The following OLFM4 variants were observed in gnomAD, a reference collection of about 807,000 sequenced individuals.
OLFM4 encodes the protein olfactomedin-4.
OLFM4 carries 22 observed loss-of-function variants against 25.5 expected under a neutral mutation model. The observed-to-expected ratio is 0.86, with a 90% CI of 0.62 to 1.23. The LOEUF (loss-of-function observed/expected upper bound fraction) is 1.23, where lower values mean the gene tolerates loss of function less well. Ranked by LOEUF, OLFM4 falls within the 50% of genes most tolerant of loss-of-function variation. The pLI is 0.00. For missense variants in OLFM4, 594 were observed against 619.4 expected, an observed-to-expected ratio of 0.96 and a Z score of 0.44; for synonymous variants, 255 against 237.7, an observed-to-expected ratio of 1.07 and a Z score of -0.67.
At chr13:53,040,998 A>G (rs1047884009) in intron 2 of OLFM4, among the ~76,000 whole-genome samples, 2 of 152,222 alleles carry the variant, frequency 1.3e-5, no homozygotes, top group Admixed American at 6.5e-5. Context: ...GAGATGGCAG[A>G]GGAAAGGGAA....
chr13:53,049,596 T>C (rs2298234), intron 4 of OLFM4, among the ~76,000 whole-genome samples: 28,747 of 152,132 alleles, frequency 0.19, 2,832 homozygotes, highest in African/African-American at 0.24. Context: ...AAAAACAAAA[T>C]AAGATAATAT....
Position 53,050,970 on chromosome 13 carries a change from G to A in OLFM4, c.*199G>A, listed in dbSNP as rs539118449. ...TTGGGAATCATCTGCCTCTTCAGGC[G>A]CATTTTGCAATAAAGTCTGTCTAGG... is the stretch of plus-strand genomic sequence containing the variant. On this transcript the variant is annotated 3_prime_UTR_variant, in exon 5 of 5. Transcript: ENST00000219022. 6.4e-5 allele frequency: 35 copies of A among 548,418 alleles called. No individual in the cohort carries two copies. In the South Asian group the frequency reaches 8.4e-4, roughly 13 times the overall value. 34.0% of individuals were successfully genotyped at this position (548,418 alleles called of 1,614,324 possible).
chr13:53,032,848 T>C (rs1183187404), intron 1 of OLFM4, among the ~76,000 whole-genome samples: 1 of 152,274 alleles, frequency 6.6e-6, no homozygotes, highest in African/African-American at 2.4e-5. Flanking sequence ...TAGACCCAGC[T>C]TGATCAGGCA....
chr13:53,035,338 G>T (rs1452098863), intron 2 of OLFM4, among the ~76,000 whole-genome samples: 1 of 151,430 alleles, frequency 6.6e-6, no homozygotes, highest in Non-Finnish European at 1.5e-5. Context: ...TTGGTGTATA[G>T]TAGGTGTATG....
chr13:53,043,572 G>A (rs935693051), intron 4 of OLFM4, among the ~76,000 whole-genome samples: 1 of 152,098 alleles, frequency 6.6e-6, no homozygotes, highest in Non-Finnish European at 1.5e-5. Context: ...TATGGTGATG[G>A]AGGCCCTATC....
intron 2 of OLFM4, 26 bp from the exon 3 acceptor site, chr13:53,041,884 G>A: frequency 6.4e-7 from 1 of 1,570,218 alleles, no homozygotes. Context: ...CAGGGAATTG[G>A]CTTGAACCTT....
intron 4 of OLFM4, among the ~76,000 whole-genome samples, chr13:53,048,624 G>A (rs990976453): frequency 1.3e-5 from 2 of 152,140 alleles, no homozygotes; most frequent in African/African-American, 4.8e-5. Flanking sequence ...CAAAGGCTTT[G>A]CTCCCCCTTC....
intron 1 of OLFM4, 69 bp downstream of exon 1, chr13:53,029,109 C>A: frequency 1.3e-6 from 2 of 1,593,786 alleles, no homozygotes; most frequent in Non-Finnish European, 8.5e-7. Context: ...TACCTGAATA[C>A]AATTTCATGG....
At chr13:53,035,465 A>G (rs1464339818) in intron 2 of OLFM4, among the ~76,000 whole-genome samples, 1 of 152,168 alleles carries the variant, frequency 6.6e-6, no homozygotes, top group African/African-American at 2.4e-5. Context: ...AAACCATCCA[A>G]TTAGACTCTT....
chr13:53,050,841 T>C lies in OLFM4; in HGVS notation c.*70T>C, dbSNP rs1341676874. 1.5e-6 allele frequency: 2 copies of C among 1,317,530 alleles called. No individual in the cohort carries two copies. The highest frequency in any genetic ancestry group is 2.1e-6 in the Non-Finnish European group (2 of 963,124). The allele number at this position is 1,317,530 out of a possible 1,614,324, so 81.6% of individuals were successfully genotyped here. On this transcript the variant is annotated 3_prime_UTR_variant, in exon 5 of 5. Transcript: ENST00000219022. The stretch of plus-strand genomic sequence containing the variant: ...ATAGTCTTCTCCACTTACTTAGATA[T>C]CTGCAGGGGTGTCTAAAAGTGTGTT...
At position 53,050,703 on chromosome 13, in the gene OLFM4, A is replaced by G; in HGVS notation, c.1465A>G (p.Lys489Glu). 1 of 1,613,374 alleles carries G rather than the reference A, an allele frequency of 6.2e-7. No individual in the cohort carries two copies. Among genetic ancestry groups the G allele is most frequent in the African/African-American group, 1.3e-5 (1 of 75,012 alleles). The change falls in exon 5 of 5, where the codon AAA (lysine) becomes GAA (glutamate). Residue 489 changes from lysine (K) to glutamate (E), a missense_variant. By Grantham distance (56) the Lys-to-Glu change is moderately conservative. Coordinates refer to ENST00000219022, the MANE Select transcript of OLFM4 (RefSeq NM_006418.5). Reference protein sequence around the residue: ...QSINYNPFDQKLYVYNDGYLL... With the variant: ...QSINYNPFDQELYVYNDGYLL... ...CATTAACTATAACCCTTTTGACCAG[A>G]AACTTTATGTCTATAACGATGGTTA...
chr13:53,040,271 A>G (rs938181663), intron 2 of OLFM4, among the ~76,000 whole-genome samples: 8 of 152,220 alleles, frequency 5.3e-5, no homozygotes, highest in Non-Finnish European at 1.2e-4. Flanking sequence ...TTTTAACTTA[A>G]TGATCAGACA....
chr13:53,030,867 A>C (rs1954625495), intron 1 of OLFM4, among the ~76,000 whole-genome samples: 1 of 152,204 alleles, frequency 6.6e-6, no homozygotes, highest in African/African-American at 2.4e-5. Flanking sequence ...GATTCTTTGC[A>C]GTCAGAAATC....
chr13:53,035,042 T>C (rs1954650984), intron 2 of OLFM4, among the ~76,000 whole-genome samples: 1 of 152,174 alleles, frequency 6.6e-6, no homozygotes, highest in African/African-American at 2.4e-5. Flanking sequence ...TAATTCTTTT[T>C]TGGGGGGGAC....
intron 3 of OLFM4, 99 bp from the exon 4 acceptor site, chr13:53,043,006 C>A (rs1954695405): frequency 2.2e-6 from 2 of 913,200 alleles, no homozygotes; most frequent in Non-Finnish European, 3.3e-6. Context: ...CTGGTGTATT[C>A]TCTGGCAATG....
In OLFM4 at chr13:53,050,548, G is replaced by A. The variant is rs781662295; in HGVS notation, c.1310G>A (p.Cys437Tyr). The A allele has an allele frequency of 3.1e-6, 5 of 1,614,016 alleles. No individual in the cohort carries two copies. Among genetic ancestry groups the A allele is most frequent in the Non-Finnish European group, 4.2e-6 (5 of 1,179,952 alleles). Residue 437 changes from cysteine (C) to tyrosine (Y), a missense_variant, in exon 5 of 5, where the codon TGT becomes TAT. Transcript: ENST00000219022. Reference protein sequence around the residue: ...KPSASNAFMVCGVLYATRTMN... With the variant: ...KPSASNAFMVYGVLYATRTMN... ...TCTGCTTCTAACGCCTTCATGGTAT[G>A]TGGGGTTCTGTATGCCACCCGTACT...
Position 53,050,296 on chromosome 13 carries a change from T to G in OLFM4, c.1058T>G (p.Leu353Arg). Residue 353 changes from leucine (L) to arginine (R), a missense_variant, in exon 5 of 5, where the codon CTG becomes CGG. By Grantham distance (102) the Leu-to-Arg change is moderately radical (BLOSUM62 -2). Transcript: ENST00000219022. ...ACCGGGAATATTGCCAGAGTTAACC[T>G]GACCACCAACACGATTGCTGTGACT... is the stretch of plus-strand genomic sequence containing the variant. ...YNTGNIARVN[L>R]TTNTIAVTQT... is the part of the protein sequence containing the mutation. 1 of 1,614,110 alleles carries G rather than the reference T, an allele frequency of 6.2e-7. No homozygotes were observed. Among genetic ancestry groups the G allele is most frequent in the South Asian group, 1.1e-5 (1 of 91,080 alleles).
Position 53,050,098 on chromosome 13 carries a change from T to C in OLFM4, c.860T>C (p.Leu287Pro), listed in dbSNP as rs765366372. The change falls in exon 5 of 5, where the codon CTG (leucine) becomes CCG (proline). Residue 287 changes from leucine to proline, a missense_variant. By Grantham distance (98) the Leu-to-Pro change is moderately conservative. Transcript: ENST00000219022. Reference protein sequence around the residue: ...DYSPQHPNKGLYWVAPLNTDG... With the variant: ...DYSPQHPNKGPYWVAPLNTDG... ...TCTCCCCAGCATCCAAACAAAGGAC[T>C]GTATTGGGTGGCGCCATTGAATACA... The C allele has an allele frequency of 2.9e-5, 47 of 1,613,926 alleles. No individual in the cohort carries two copies. Among genetic ancestry groups the C allele is most frequent in the Non-Finnish European group, 3.8e-5 (45 of 1,179,966 alleles).
chr13:53,031,747 C>A (rs1358611015), intron 1 of OLFM4, among the ~76,000 whole-genome samples: 1 of 152,148 alleles, frequency 6.6e-6, no homozygotes, highest in African/African-American at 2.4e-5. Context: ...ATAGTGTAGA[C>A]ATCAGTAAAT....
Sources: allele counts gnomAD v4.1 joint callset (sites outside exome capture counted in the v4.1 genomes callset), GRCh38; gene constraint gnomAD v4.1.1; transcripts MANE v1.5; gene names NCBI Gene and HGNC (gene_info 2026-07-23, HGNC 2026-07-21).